Variants in CEP128 observed in about 807,000 individuals in gnomAD.
CEP128 encodes centrosomal protein 128.
A neutral mutation model predicts 156.7 loss-of-function variants in CEP128; 132 were observed. That is an observed-to-expected ratio of 0.84 (90% CI 0.73 to 0.97). The LOEUF (loss-of-function observed/expected upper bound fraction) is 0.97. Ranked by LOEUF, CEP128 falls within the 50% of genes least tolerant of loss-of-function variation. The pLI is 0.00. For missense variants in CEP128, 1,252 were observed against 1,281.9 expected (o/e 0.98, Z 0.36); for synonymous variants, 469 against 448.9 (o/e 1.04, Z -0.57).
chr14:80,759,271 C>G (rs1417156414), intron 17 of CEP128, among the ~76,000 whole-genome samples: 1 of 152,158 alleles, frequency 6.6e-6, no homozygotes, highest in Non-Finnish European at 1.5e-5. Flanking sequence ...GGACTTTTCT[C>G]AAACTCATTT....
chr14:80,622,785 C>A (rs535497523), intron 19 of CEP128, among the ~76,000 whole-genome samples: 12 of 149,836 alleles, frequency 8.0e-5, no homozygotes, highest in African/African-American at 2.7e-4. Context: ...GTTAGAATGG[C>A]AATCATTAAA....
intron 13 of CEP128, among the ~76,000 whole-genome samples, chr14:80,829,034 C>A (rs544209028): frequency 6.6e-6 from 1 of 152,276 alleles, no homozygotes; most frequent in Middle Eastern, 3.4e-3. Flanking sequence ...TAATATCTCA[C>A]AAAGTCTGCA....
At chr14:80,628,821 C>A (rs1893841815) in intron 19 of CEP128, among the ~76,000 whole-genome samples, 1 of 144,804 alleles carries the variant, frequency 6.9e-6, no homozygotes, top group South Asian at 2.2e-4. Context: ...GGATGTGAGC[C>A]TATAGCTCAC....
chr14:80,483,125 T>G (rs1462427669), intron 14 of CEP128, among the ~76,000 whole-genome samples: 1 of 152,234 alleles, frequency 6.6e-6, no homozygotes, highest in Non-Finnish European at 1.5e-5. Flanking sequence ...TTTATCATTA[T>G]GAGTCTCTCC....
rs529870122 is a variant in CEP128, at chr14:80,895,939, G to T, written c.573-149C>A. On this transcript the variant is annotated intron_variant, in intron 7 of 24. Transcript: ENST00000555265. ...TATAAACATCTGAAACACGTGGAAG[G>T]CTTGTTAAAACACAGACTGCTGGAT... is the stretch of plus-strand genomic sequence containing the variant. 9.5e-6 allele frequency: 6 copies of T among 630,848 alleles called. No individual in the cohort carries two copies. The South Asian group carries it at 1.8e-4, about 18-fold the overall frequency. 39.1% of individuals were successfully genotyped at this position (630,848 alleles called of 1,614,324 possible). A position where few individuals can be genotyped will look rare whatever the true frequency, so the allele number is the denominator to read the frequency against.
chr14:80,858,318 G>A (rs1446141501), intron 9 of CEP128, among the ~76,000 whole-genome samples: 1 of 136,970 alleles, frequency 7.3e-6, no homozygotes, highest in East Asian at 2.1e-4. Context: ...TTTAATAAAT[G>A]GTGCTGGGAA....
rs1896167349 is a variant in CEP128 at position 80,678,186 on chromosome 14, G to T, written c.2806+64889C>A. ...CCCTCATTTCAATTAAAATGAAATGGAACCACATGTATACAGTAGATCCAA... is the reference window on the plus strand; with the variant it reads ...CCCTCATTTCAATTAAAATGAAATGTAACCACATGTATACAGTAGATCCAA... On this transcript the variant is annotated intron_variant, in intron 19 of 24. Coordinates refer to ENST00000555265, the MANE Select transcript of CEP128 (RefSeq NM_152446.5). 2.0e-5 allele frequency among the ~76,000 whole-genome samples: 3 copies of T among 151,508 alleles called. No individual in the cohort carries two copies. In the South Asian group the frequency reaches 6.3e-4, roughly 32 times the overall value.
rs191846284 is a variant in CEP128 at position 80,874,678 on chromosome 14, C to T, written c.646-11805G>A. Among the ~76,000 whole-genome samples, 1,071 of 152,288 alleles carry T rather than the reference C, an allele frequency of 7.0e-3. 11 individuals are homozygous for T. The highest frequency in any genetic ancestry group is 0.024 in the African/African-American group (997 of 41,562). On this transcript the variant is annotated intron_variant, in intron 8 of 24. Coordinates refer to ENST00000555265, the MANE Select transcript of CEP128 (RefSeq NM_152446.5). ...TGTCGCCCAGGCTGGAGTGCAGTGGCGCCATCTTGGCTCACTGCAAGCTCC... is the reference window on the plus strand; with the variant it reads ...TGTCGCCCAGGCTGGAGTGCAGTGGTGCCATCTTGGCTCACTGCAAGCTCC...
chr14:80,716,910 T>C (rs943886065), intron 19 of CEP128, among the ~76,000 whole-genome samples: 4 of 152,244 alleles, frequency 2.6e-5, no homozygotes, highest in Admixed American at 6.5e-5. Context: ...ATCTTTTTTA[T>C]TATAGCTGTC....
chr14:80,918,864 C>T (rs1884701659), intron 2 of CEP128, among the ~76,000 whole-genome samples: 1 of 151,990 alleles, frequency 6.6e-6, no homozygotes. Context: ...TAATAAAAAG[C>T]CCTGAAACAA....
At chr14:80,839,855 T>C (rs1886267454) in intron 10 of CEP128, among the ~76,000 whole-genome samples, 1 of 152,112 alleles carries the variant, frequency 6.6e-6, no homozygotes, top group African/African-American at 2.4e-5. Flanking sequence ...TCAGTCTCTA[T>C]GGAGAAATAG....
chr14:80,481,941 T>C (rs558950666), intron 14 of CEP128, among the ~76,000 whole-genome samples: 2 of 152,336 alleles, frequency 1.3e-5, no homozygotes, highest in Admixed American at 1.3e-4. Context: ...GTAAAATAGG[T>C]AGACTTAATA....
chr14:80,828,269 C>A (rs981732099), intron 13 of CEP128, among the ~76,000 whole-genome samples: 2 of 151,860 alleles, frequency 1.3e-5, no homozygotes, highest in Admixed American at 1.3e-4. Flanking sequence ...ATTACAGGCA[C>A]CTGCCACCAC....
intron 21 of CEP128, among the ~76,000 whole-genome samples, chr14:80,542,151 G>A (rs1041588653): frequency 6.6e-6 from 1 of 152,126 alleles, no homozygotes; most frequent in East Asian, 1.9e-4. Context: ...TTTCCTATGT[G>A]TATATGTACC....
chr14:80,809,830 T>C (rs1443442231), intron 13 of CEP128, among the ~76,000 whole-genome samples: 1 of 151,954 alleles, frequency 6.6e-6, no homozygotes, highest in Non-Finnish European at 1.5e-5. Context: ...ACACCACTAT[T>C]GCAAGAAATG....
intron 13 of CEP128, among the ~76,000 whole-genome samples, chr14:80,819,239 C>CTTTTTTTTT (rs1187431254): frequency 1.1e-4 from 9 of 82,752 alleles, no homozygotes; most frequent in African/African-American, 2.2e-4. Flanking sequence ...TGGCATCTTC[C>CTTTTTTTTT]TTTTTTTTTT....
At chr14:80,698,022 T>C (rs1407450870) in intron 19 of CEP128, among the ~76,000 whole-genome samples, 1 of 152,046 alleles carries the variant, frequency 6.6e-6, no homozygotes, top group Non-Finnish European at 1.5e-5. Context: ...AATATAGACC[T>C]TAAAGTTAAT....
At chr14:80,763,821 C>T (rs1487444640) in intron 16 of CEP128, among the ~76,000 whole-genome samples, 1 of 152,116 alleles carries the variant, frequency 6.6e-6, no homozygotes, top group Non-Finnish European at 1.5e-5. Context: ...TCATCAATTA[C>T]CATGCAGAGC....
At chr14:80,633,008 C>G (rs1894025563) in intron 19 of CEP128, among the ~76,000 whole-genome samples, 1 of 152,070 alleles carries the variant, frequency 6.6e-6, no homozygotes, top group Non-Finnish European at 1.5e-5. Context: ...GGGAGGATTG[C>G]TTGAGCCCAG....
Sources: allele counts gnomAD v4.1 joint callset (sites outside exome capture counted in the v4.1 genomes callset), GRCh38; gene constraint gnomAD v4.1.1; transcripts MANE v1.5; gene names NCBI Gene and HGNC (gene_info 2026-07-23, HGNC 2026-07-21).